TAF3: variants seen among roughly 807,000 people sequenced by gnomAD.
TAF3 encodes TATA-box binding protein associated factor 3.
A neutral mutation model predicts 80.6 loss-of-function variants in TAF3; 7 were observed. That is an observed-to-expected ratio of 0.09 (90% CI 0.05 to 0.16). TAF3 has a LOEUF of 0.16. TAF3 is among the 10% of genes least tolerant of loss of function. The pLI is 1.00. For synonymous variants in TAF3, 444 were observed against 446.1 expected, an observed-to-expected ratio of 1.00 and a Z score of 0.06; for missense variants, 921 against 1,140.2, an observed-to-expected ratio of 0.81 and a Z score of 2.77.
intron 2 of TAF3, among the ~76,000 whole-genome samples, chr10:7,957,794 G>GCTCTCTCTCTCTCTCT (rs376837630): frequency 7.6e-5 from 10 of 130,732 alleles, no homozygotes; most frequent in South Asian, 2.7e-4. Context: ...TCTCTAGCGC[G>GCTCTCTCTCTCTCTCT]CTCTCTCTCT....
intron 2 of TAF3, among the ~76,000 whole-genome samples, chr10:7,865,318 A>C (rs1837199939): frequency 6.6e-6 from 1 of 152,094 alleles, no homozygotes; most frequent in Non-Finnish European, 1.5e-5. Flanking sequence ...TTCTACTAAA[A>C]AATACAAAAA....
chr10:7,899,889 A>G (rs1837542541), intron 2 of TAF3, among the ~76,000 whole-genome samples: 1 of 152,228 alleles, frequency 6.6e-6, no homozygotes, highest in Admixed American at 6.5e-5. Flanking sequence ...AAACTGCAAT[A>G]TTAGTGACTT....
intron 4 of TAF3, among the ~76,000 whole-genome samples, chr10:8,008,092 CTTTTTTTTT>C (rs1162726965): frequency 9.4e-6 from 1 of 106,038 alleles, no homozygotes; most frequent in Non-Finnish European, 1.9e-5. Context: ...TGGGAACAAT[CTTTTTTTTT>C]TTTTTTTTTT....
At chr10:7,857,064 C>G (rs921616563) in intron 2 of TAF3, among the ~76,000 whole-genome samples, 2 of 152,190 alleles carry the variant, frequency 1.3e-5, no homozygotes, top group African/African-American at 4.8e-5. Context: ...TTACAACTGA[C>G]AGATGAATAT....
At chr10:7,934,986 C>G (rs1837902821) in intron 2 of TAF3, among the ~76,000 whole-genome samples, 1 of 152,030 alleles carries the variant, frequency 6.6e-6, no homozygotes, top group Admixed American at 6.6e-5. Flanking sequence ...TTAATAAATA[C>G]TAAGAAGAGG....
intron 2 of TAF3, among the ~76,000 whole-genome samples, chr10:7,947,349 C>T (rs1182452894): frequency 1.3e-5 from 2 of 152,162 alleles, no homozygotes. Flanking sequence ...CTGGGTTAGG[C>T]GCTGTTTAGA....
intron 5 of TAF3, among the ~76,000 whole-genome samples, chr10:8,010,369 G>A (rs920360730): frequency 2.0e-5 from 3 of 152,150 alleles, no homozygotes; most frequent in African/African-American, 4.8e-5. Flanking sequence ...ATATCAATCT[G>A]TAAATGTAGA....
At chr10:7,900,579 A>G (rs995212062) in intron 2 of TAF3, among the ~76,000 whole-genome samples, 1 of 152,238 alleles carries the variant, frequency 6.6e-6, no homozygotes, top group Non-Finnish European at 1.5e-5. Context: ...CTGTGCCCCT[A>G]TAATGTGGGG....
At chr10:7,892,817 TC>T (rs1183326862) in intron 2 of TAF3, among the ~76,000 whole-genome samples, 1 of 150,922 alleles carries the variant, frequency 6.6e-6, no homozygotes, top group Non-Finnish European at 1.5e-5. Flanking sequence ...CTTTTCTTTT[TC>T]TTTTTTTTTT....
intron 2 of TAF3, among the ~76,000 whole-genome samples, chr10:7,957,629 A>T (rs1838148295): frequency 6.6e-6 from 1 of 152,158 alleles, no homozygotes; most frequent in Admixed American, 6.5e-5. Flanking sequence ...CAATTTTTTA[A>T]ATTTTTTTTT....
intron 2 of TAF3, among the ~76,000 whole-genome samples, chr10:7,960,351 C>T (rs1392505382): frequency 6.6e-6 from 1 of 152,086 alleles, no homozygotes; most frequent in African/African-American, 2.4e-5. Context: ...TGTGGTAGGT[C>T]TAGGACAGGG....
chr10:7,962,612 T>C (rs1190862959), intron 2 of TAF3, among the ~76,000 whole-genome samples: 2 of 152,220 alleles, frequency 1.3e-5, no homozygotes, highest in Non-Finnish European at 2.9e-5. Context: ...GTGTTTCACC[T>C]TCATCTATTT....
intron 4 of TAF3, among the ~76,000 whole-genome samples, chr10:7,979,028 C>T (rs987293310): frequency 6.6e-6 from 1 of 151,860 alleles, no homozygotes; most frequent in African/African-American, 2.4e-5. Flanking sequence ...GGCAACAGAG[C>T]CAGATCCTGT....
chr10:7,823,550 C>A (rs190976267), intron 1 of TAF3, among the ~76,000 whole-genome samples: 2 of 151,912 alleles, frequency 1.3e-5, no homozygotes, highest in Non-Finnish European at 2.9e-5. Flanking sequence ...AGGGGAAGAT[C>A]GCTTGAGCCT....
Position 8,014,975 on chromosome 10 carries a change from AGGCGTGGCCTGGGGG to A in TAF3, c.*225_*239del. On this transcript the variant is annotated 3_prime_UTR_variant, in exon 7 of 7. Transcript: ENST00000344293. Reference sequence around the variant, plus strand: ...GTGCGACAGAAGGAAACTCAAGCAGAGGCGTGGCCTGGGGGCTGCCCCTCCTCCACTTCTCTAATA... The same window carrying A: ...GTGCGACAGAAGGAAACTCAAGCAGACTGCCCCTCCTCCACTTCTCTAATA... 1 of 415,966 alleles carries A rather than the reference AGGCGTGGCCTGGGGG, an allele frequency of 2.4e-6. No individual in the cohort carries two copies. Among genetic ancestry groups the A allele is most frequent in the Non-Finnish European group, 4.4e-6 (1 of 227,436 alleles). 25.8% of individuals were successfully genotyped at this position (415,966 alleles called of 1,614,324 possible).
At chr10:7,890,600 T>C (rs1244440) in intron 2 of TAF3, among the ~76,000 whole-genome samples, 46,933 of 152,178 alleles carry the variant, frequency 0.31, 7,809 homozygotes, top group African/African-American at 0.44. Flanking sequence ...GTGTTGATTG[T>C]CTGATTAGAA....
intron 4 of TAF3, among the ~76,000 whole-genome samples, chr10:8,008,252 G>T (rs543365694): frequency 2.0e-4 from 30 of 151,924 alleles, no homozygotes; most frequent in Admixed American, 4.6e-4. Flanking sequence ...GCACGCCACT[G>T]CACCCGGCTA....
intron 4 of TAF3, among the ~76,000 whole-genome samples, chr10:7,993,790 C>T (rs1831856743): frequency 6.6e-6 from 1 of 151,122 alleles, no homozygotes; most frequent in African/African-American, 2.4e-5. Context: ...TCATTCCTTT[C>T]ACATGTATTA....
chr10:7,825,018 T>A (rs1009876063), intron 2 of TAF3, among the ~76,000 whole-genome samples: 2 of 152,242 alleles, frequency 1.3e-5, no homozygotes, highest in African/African-American at 4.8e-5. Context: ...TTCTGTTTTT[T>A]ATCATGAGGA....
Sources: allele counts gnomAD v4.1 joint callset (sites outside exome capture counted in the v4.1 genomes callset), GRCh38; gene constraint gnomAD v4.1.1; transcripts MANE v1.5; gene names NCBI Gene and HGNC (gene_info 2026-07-23, HGNC 2026-07-21).